Variants in RRM2 observed in about 807,000 individuals in gnomAD.
RRM2 encodes ribonucleoside-diphosphate reductase subunit M2.
RRM2 carries 6 observed loss-of-function variants against 45.9 expected under a neutral mutation model. The observed-to-expected ratio is 0.13, with a 90% CI of 0.07 to 0.26. The LOEUF (loss-of-function observed/expected upper bound fraction) is 0.26. Among genes scored for constraint, RRM2 ranks in the 10% least tolerant of loss-of-function variants. The pLI, the probability that RRM2 is intolerant of heterozygous loss-of-function variation, is 1.00. For synonymous variants in RRM2, 177 were observed against 173.0 expected, an observed-to-expected ratio of 1.02 and a Z score of -0.18; for missense variants, 343 against 489.5, an observed-to-expected ratio of 0.70 and a Z score of 2.82.
chr2:10,198,507 A>G (rs1393266097), intron 3 of RRM2: 1 of 151,886 alleles, frequency 6.6e-6, no homozygotes, highest in Non-Finnish European at 1.5e-5. Context: ...GGCTCAAGCA[A>G]TCCTCCAGCT....
At chr2:10,170,499 G>A (rs1663778100) in intron 3 of RRM2, among the ~76,000 whole-genome samples, 1 of 152,120 alleles carries the variant, frequency 6.6e-6, no homozygotes, top group Non-Finnish European at 1.5e-5. Context: ...TGTCAGCTTT[G>A]TTTTCCTGTC....
At chr2:10,157,956 G>T (rs1447043399) in intron 3 of RRM2, among the ~76,000 whole-genome samples, 1 of 152,154 alleles carries the variant, frequency 6.6e-6, no homozygotes, top group Non-Finnish European at 1.5e-5. Context: ...TTAAATAAAT[G>T]AGTTCATGAA....
upstream of RRM2, among the ~76,000 whole-genome samples, chr2:10,137,578 C>T (rs1213853492): frequency 2.6e-5 from 4 of 152,314 alleles, no homozygotes; most frequent in Middle Eastern, 3.4e-3. Flanking sequence ...CTACCTGGGA[C>T]GCTCTGGGTA....
rs898740637 is a variant in RRM2 at position 10,195,893 on chromosome 2, C to T, written n.483-14418C>T. On this transcript the variant is annotated intron_variant and non_coding_transcript_variant, in intron 3 of 3. Coordinates refer to the RRM2 transcript ENST00000381786. The surrounding 1 kb of genome is among the most constrained non-coding windows in gnomAD (Gnocchi z 4.9). Reference sequence around the variant, plus strand: ...TGCTTGGACAAGACAGAGACTCACACGAGGAAATTCCTTTTGTTCCTACCC... The same window carrying T: ...TGCTTGGACAAGACAGAGACTCACATGAGGAAATTCCTTTTGTTCCTACCC... Among the ~76,000 whole-genome samples the T allele has an allele frequency of 6.6e-6, 1 of 152,176 alleles. No individual in the cohort carries two copies.
intron 3 of RRM2, chr2:10,156,135 G>T (rs1381082167): frequency 6.6e-6 from 1 of 152,246 alleles, no homozygotes; most frequent in African/African-American, 2.4e-5. Flanking sequence ...TAGCCTGTAA[G>T]GCAGGGGTGT....
chr2:10,210,388 T>C, exon 4 of RRM2: 2 of 1,367,586 alleles, frequency 1.5e-6, no homozygotes, highest in Non-Finnish European at 2.0e-6. Flanking sequence ...AGAGCCACCG[T>C]GGTGCTCACA....
At chr2:10,210,542 C>G (rs777563381) in exon 4 of RRM2, 2 of 1,366,878 alleles carry the variant, frequency 1.5e-6, no homozygotes, top group East Asian at 9.1e-5. Flanking sequence ...CTGGACTCCA[C>G]ACAGGCCTGC....
At position 10,130,686 on chromosome 2, in the gene RRM2, G is replaced by A. The variant is rs1662881570; in HGVS notation, c.*1300G>A. On this transcript the variant is annotated 3_prime_UTR_variant, in exon 10 of 10. Coordinates refer to ENST00000304567, the MANE Select transcript of RRM2 (RefSeq NM_001034.4). ...GCTCTGTTGCCCAGGCTGGAGTGCA[G>A]TGGCGCGATTTTGGCTCACTGTAAC... 6.7e-6 allele frequency: 1 copy of A among 149,690 alleles called. No homozygotes were observed. The highest frequency in any genetic ancestry group is 6.7e-5 in the Admixed American group (1 of 14,884). 9.3% of individuals were successfully genotyped at this position (149,690 alleles called of 1,614,324 possible). A position where few individuals can be genotyped will look rare whatever the true frequency, so the allele number is the denominator to read the frequency against.
At chr2:10,128,778 A>G in intron 7 of RRM2, 70 bp from the exon 8 acceptor site, 1 of 1,120,012 alleles carries the variant, frequency 8.9e-7, no homozygotes. Flanking sequence ...GAAAAGGACA[A>G]AGTAATTTCA....
rs1282772903 is a variant in RRM2 at position 10,169,644 on chromosome 2, C to T, written n.482+27269C>T. ...CTCCTTGGAAGCTGGCAGGCACGGCCACAGAATATGCGCCCCTTTCCTGGC... is the reference window on the plus strand; with the variant it reads ...CTCCTTGGAAGCTGGCAGGCACGGCTACAGAATATGCGCCCCTTTCCTGGC... On this transcript the variant is annotated intron_variant and non_coding_transcript_variant, in intron 3 of 3. Coordinates refer to the RRM2 transcript ENST00000381786. This position sits in a 1 kb window ranked among gnomAD's most constrained non-coding sequence, Gnocchi z 5.1. Among the ~76,000 whole-genome samples the T allele has an allele frequency of 6.6e-5, 10 of 152,182 alleles. No homozygotes were observed. Among genetic ancestry groups the T allele is most frequent in the African/African-American group, 2.4e-4 (10 of 41,426 alleles).
At chr2:10,200,317 G>A (rs1207073148) in intron 3 of RRM2, among the ~76,000 whole-genome samples, 1 of 152,144 alleles carries the variant, frequency 6.6e-6, no homozygotes. Flanking sequence ...CACTCTTGAG[G>A]CTCCAAGATA....
rs540857776 is a variant in RRM2 at position 10,154,718 on chromosome 2, T to C, written n.482+12343T>C. On this transcript the variant is annotated intron_variant and non_coding_transcript_variant, in intron 3 of 3. Transcript: ENST00000381786. ...TTTTTTTTTTTTTTTTTTTTGAGAC[T>C]GTGTTTCACTCTTGTTGCCCAGGCT... Among the ~76,000 whole-genome samples, 30 of 121,132 alleles carry C rather than the reference T, an allele frequency of 2.5e-4. 1 individual carries two copies. The East Asian group carries it at 5.2e-3, about 21-fold the overall frequency. The allele number at this position is 121,132 out of a possible 152,430, so 79.5% of individuals were successfully genotyped here.
At chr2:10,183,049 C>T (rs142382487) in intron 3 of RRM2, among the ~76,000 whole-genome samples, 217 of 152,086 alleles carry the variant, frequency 1.4e-3, no homozygotes, top group African/African-American at 4.9e-3. Flanking sequence ...TATGGTGGCG[C>T]GTACCCAGCT....
intron 3 of RRM2, among the ~76,000 whole-genome samples, chr2:10,209,523 C>T (rs1664721091): frequency 6.6e-6 from 1 of 152,144 alleles, no homozygotes; most frequent in African/African-American, 2.4e-5. Flanking sequence ...GGAAAACCCT[C>T]TCCTTTTGAT....
chr2:10,175,097 A>C (rs1253937796), intron 3 of RRM2, among the ~76,000 whole-genome samples: 1 of 152,236 alleles, frequency 6.6e-6, no homozygotes, highest in Non-Finnish European at 1.5e-5. Flanking sequence ...ATATAATTAC[A>C]TGCAGAAAAG....
chr2:10,179,439 C>T (rs972919306), intron 3 of RRM2, among the ~76,000 whole-genome samples: 19 of 152,194 alleles, frequency 1.2e-4, no homozygotes, highest in African/African-American at 4.3e-4. Flanking sequence ...ATGTGAGCCA[C>T]CACACCTGGC....
At position 10,200,554 on chromosome 2, in the gene RRM2, C is replaced by T. The variant is rs56116369; in HGVS notation, n.483-9757C>T. 1.3e-3 allele frequency among the ~76,000 whole-genome samples: 10 copies of T among 7,558 alleles called. 3 individuals carry two copies. The highest frequency in any genetic ancestry group is 0.25 in the Middle Eastern group (2 of 8). 5.0% of individuals were successfully genotyped at this position (7,558 alleles called of 152,430 possible). Reference sequence around the variant, plus strand: ...CACAAATTATGAGTCCCACAGGGACCGCGCGCGCAAAATATGAGGCCCACA... The same window carrying T: ...CACAAATTATGAGTCCCACAGGGACTGCGCGCGCAAAATATGAGGCCCACA... On this transcript the variant is annotated intron_variant and non_coding_transcript_variant, in intron 3 of 3. Coordinates refer to the RRM2 transcript ENST00000381786.
intron 3 of RRM2, among the ~76,000 whole-genome samples, chr2:10,180,981 G>A (rs1664033517): frequency 6.6e-6 from 1 of 152,104 alleles, no homozygotes; most frequent in Admixed American, 6.6e-5. Context: ...TGGCCAGGCT[G>A]GTCTTGAACT....
chr2:10,210,555 A>G (rs1489342768), exon 4 of RRM2: 1 of 1,366,570 alleles, frequency 7.3e-7, no homozygotes. Context: ...AGGCCTGCGG[A>G]GCAGGTGGAC....
Sources: gnomAD v4.1 joint callset for allele counts (sites outside exome capture counted in the v4.1 genomes callset) on GRCh38, gnomAD v4.1.1 for gene constraint, Gnocchi (gnomAD v3.1) non-coding constraint, MANE v1.5 for transcripts, NCBI Gene and HGNC (gene_info 2026-07-23, HGNC 2026-07-21) for gene names.